POLM: variants seen among roughly 807,000 people sequenced by gnomAD.
POLM encodes the protein DNA polymerase mu.
POLM carries 52 observed loss-of-function variants against 56.7 expected under a neutral mutation model. That is an observed-to-expected ratio of 0.92 (90% confidence interval 0.73 to 1.15). POLM has a LOEUF of 1.15. Among genes scored for constraint, POLM ranks in the 50% most tolerant of loss-of-function variants. The pLI is 0.00. For missense variants in POLM, 660 were observed against 663.6 expected (o/e 0.99, Z 0.06); for synonymous variants, 273 against 274.3 (o/e 1.00, Z 0.05).
In POLM at chr7:44,076,592, GCAGTCTTCA is replaced by G; in HGVS notation, c.743_751del (p.Val248_Thr250del). 6.2e-7 allele frequency: 1 copy of G among 1,614,130 alleles called. No individual in the cohort carries two copies. The highest frequency in any genetic ancestry group is 8.5e-7 in the Non-Finnish European group (1 of 1,180,032). ...CAGTCCTTCCCGGTACCACCGGTCA[GCAGTCTTCA>G]CACCGACCCCGAAGATCTGGGTGAA... On this transcript the variant is annotated inframe_deletion, in exon 6 of 11. Transcript: ENST00000242248.
chr7:44,073,630 C>A lies in POLM; in HGVS notation c.1393G>T (p.Glu465Ter), dbSNP rs769886929. ...CCCAGTCCCCAACAATGTACCTGCT[C>A]CGGGTCAAACAGCCCATGGCTGTTC... is the stretch of plus-strand genomic sequence containing the variant. Reference protein sequence around the residue: ...WLNSHGLFDPEQKTFFQAASE... With the variant: ...WLNSHGLFDP The change falls in exon 10 of 11, where the codon GAG becomes TAG. Residue 465 changes from glutamate (E) to a stop codon, truncating the protein, a stop_gained. Coordinates refer to ENST00000242248, the MANE Select transcript of POLM (RefSeq NM_013284.4). LOFTEE classifies it high-confidence loss of function. The A allele has an allele frequency of 6.2e-7, 1 of 1,614,100 alleles. No homozygotes were observed. Among genetic ancestry groups the A allele is most frequent in the South Asian group, 1.1e-5 (1 of 91,054 alleles).
In POLM at chr7:44,082,308, C is replaced by G. The variant is rs868516050; in HGVS notation, c.131G>C (p.Arg44Pro). The change falls in exon 1 of 11, where the codon CGG becomes CCG. Residue 44 changes from arginine (R) to proline (P), a missense_variant. Transcript: ENST00000242248. The part of the protein sequence containing the change: ...LVEPRMGRSR[R>P]AFLTGLARSK... ...GCGCGCCAGGCCTGTGAGGAAGGCC[C>G]GGCGGCTGCGACCCATGCGAGGCTC... 1.3e-6 allele frequency: 2 copies of G among 1,555,510 alleles called. No individual in the cohort carries two copies. Among genetic ancestry groups the G allele is most frequent in the Non-Finnish European group, 1.7e-6 (2 of 1,157,910 alleles).
In POLM at chr7:44,076,372, C is replaced by A. The variant is rs959237422; in HGVS notation, c.835+137G>T. On this transcript the variant is annotated intron_variant, in intron 6 of 10. Transcript: ENST00000242248. Reference sequence around the variant, plus strand: ...AGATCCTGACTGCACTGGGTGGAGACCCCAGGAAGCCCACCACACAAAGCT... The same window carrying A: ...AGATCCTGACTGCACTGGGTGGAGAACCCAGGAAGCCCACCACACAAAGCT... 5 of 1,066,500 alleles carry A rather than the reference C, an allele frequency of 4.7e-6. No individual in the cohort carries two copies. The Admixed American group carries it at 9.9e-5, about 21-fold the overall frequency. The allele number at this position is 1,066,500 out of a possible 1,614,324, so 66.1% of individuals were successfully genotyped here. A position where few individuals can be genotyped will look rare whatever the true frequency, so the allele number is the denominator to read the frequency against.
At position 44,079,758 on chromosome 7, in the gene POLM, T is replaced by C. The variant is rs2096194302; in HGVS notation, c.472-17A>G. 1 of 1,609,790 alleles carries C rather than the reference T, an allele frequency of 6.2e-7. No homozygotes were observed. Among genetic ancestry groups the C allele is most frequent in the Non-Finnish European group, 8.5e-7 (1 of 1,177,038 alleles). On this transcript the variant is annotated splice_polypyrimidine_tract_variant and intron_variant, in intron 3 of 10. Transcript: ENST00000242248. ...CAGAGCCTCCTGCAGGGAGGGGCCC[T>C]AGGTAAGGGGCAGGGTGGGCAGCTC...
At chr7:44,075,037 C>A (rs926877359) in intron 6 of POLM, among the ~76,000 whole-genome samples, 23 of 152,160 alleles carry the variant, frequency 1.5e-4, no homozygotes, top group African/African-American at 5.6e-4. Context: ...GCCTCCCACA[C>A]GCAGTTAAGG....
intron 6 of POLM, 194 bp downstream of exon 6, chr7:44,076,315 G>A (rs2096183203): frequency 1.7e-6 from 1 of 593,272 alleles, no homozygotes; most frequent in African/African-American, 1.9e-5. Context: ...AGTTGCTGTG[G>A]TCAGCATCGT....
intron 8 of POLM, 34 bp from the exon 9 acceptor site, chr7:44,074,059 C>A: frequency 1.2e-6 from 2 of 1,609,352 alleles, no homozygotes; most frequent in South Asian, 2.2e-5. Flanking sequence ...TGAGACCATC[C>A]GGTGGTGTGG....
At chr7:44,073,743 C>G in intron 9 of POLM, 35 bp from the exon 10 acceptor site, 1 of 1,614,076 alleles carries the variant, frequency 6.2e-7, no homozygotes, top group Non-Finnish European at 8.5e-7. Flanking sequence ...CAGGGCTGGC[C>G]CAGCCCCACC....
chr7:44,081,981 G>C (rs2096201386), intron 1 of POLM, among the ~76,000 whole-genome samples: 1 of 152,040 alleles, frequency 6.6e-6, no homozygotes, highest in South Asian at 2.1e-4. Context: ...TCCTGACCTC[G>C]TGATCTGCCC....
intron 6 of POLM, among the ~76,000 whole-genome samples, chr7:44,074,780 A>G (rs1265001317): frequency 1.3e-5 from 2 of 152,244 alleles, no homozygotes; most frequent in African/African-American, 4.8e-5. Context: ...GTTAAAAGAA[A>G]TAGCACAGAG....
rs754493775 is a variant in POLM at position 44,074,015 on chromosome 7, A to C, written c.1082T>G (p.Leu361Arg). Residue 361 changes from leucine to arginine, a missense_variant, in exon 9 of 11, where the codon CTG becomes CGG. Transcript: ENST00000242248. ...MCRLQDQGLILYHQHQHSCCE... is the reference protein window; with the variant it reads ...MCRLQDQGLIRYHQHQHSCCE... ...GCAGCTGTGCTGGTGCTGGTGGTAC[A>C]GGATGAGGCCCTGTGGGGAGAGGCG... The C allele has an allele frequency of 1.9e-6, 3 of 1,613,930 alleles. No individual in the cohort carries two copies. The highest frequency in any genetic ancestry group is 2.5e-6 in the Non-Finnish European group (3 of 1,180,006).
intron 5 of POLM, among the ~76,000 whole-genome samples, chr7:44,077,843 TTCACTGACAGTTATCCATG>T (rs1298332940): frequency 1.3e-5 from 2 of 152,214 alleles, no homozygotes; most frequent in Non-Finnish European, 2.9e-5. Context: ...GAAGCCACAC[TTCACTGACAGTTATCCATG>T]TGGCCACCGC....
intron 6 of POLM, 38 bp from the exon 7 acceptor site, chr7:44,074,568 G>T: frequency 1.3e-6 from 2 of 1,513,090 alleles, no homozygotes; most frequent in Non-Finnish European, 1.8e-6. Flanking sequence ...CACCCAGCCT[G>T]CCCACCACAC....
chr7:44,078,488 C>G, intron 5 of POLM: 1 of 512,320 alleles, frequency 2.0e-6, no homozygotes, highest in Non-Finnish European at 3.5e-6. Context: ...AAACAAAAAG[C>G]CCCAAAAGCC....
At chr7:44,074,096 C>T in intron 8 of POLM, 35 bp downstream of exon 8, 5 of 1,607,018 alleles carry the variant, frequency 3.1e-6, no homozygotes, top group Non-Finnish European at 4.2e-6. Context: ...TGGCATTGGC[C>T]AGCGGTGGCT....
Position 44,073,804 on chromosome 7 carries a change from C to A in POLM, c.1293G>T (p.Leu431=). The A allele has an allele frequency of 1.2e-6, 2 of 1,614,218 alleles. No individual in the cohort carries two copies. ...CTACCTTGGAGCCAGTCCAACCGAG[C>A]AGGGCGAAAGGGAACTGGCTGACGG... ...VAPVSQFPFA[L]LGWTGSKLFQ... is the part of the protein sequence containing the mutation. Residue 431 remains leucine, a synonymous_variant, in exon 9 of 11, where the codon CTG becomes CTT. Coordinates refer to ENST00000242248, the MANE Select transcript of POLM (RefSeq NM_013284.4).
chr7:44,074,931 T>C (rs1387641662), intron 6 of POLM, among the ~76,000 whole-genome samples: 1 of 152,244 alleles, frequency 6.6e-6, no homozygotes, highest in African/African-American at 2.4e-5. Flanking sequence ...TTTTTCCTTA[T>C]GCATAAAGTG....
intron 6 of POLM, among the ~76,000 whole-genome samples, chr7:44,074,814 C>T (rs1358771582): frequency 6.6e-6 from 1 of 152,224 alleles, no homozygotes; most frequent in Admixed American, 6.5e-5. Context: ...GCCTTTTACC[C>T]AGCTCCCCCA....
Position 44,073,952 on chromosome 7 carries a change from ATGT to A in POLM, c.1142_1144del (p.His381_Met382delinsLeu). On this transcript the variant is annotated inframe_deletion, in exon 9 of 11. Transcript: ENST00000242248. ...GCAGAAACTTCTCTCAAAAGCGTCCATGTGGCTCTGTTGGGCCAGGCGGGTAGG... is the reference window on the plus strand; with the variant it reads ...GCAGAAACTTCTCTCAAAAGCGTCCAGGCTCTGTTGGGCCAGGCGGGTAGG... 6.2e-7 allele frequency: 1 copy of A among 1,614,238 alleles called. No individual in the cohort carries two copies. The highest frequency in any genetic ancestry group is 1.6e-4 in the Middle Eastern group (1 of 6,062).
Sources: gnomAD v4.1 joint callset for allele counts (sites outside exome capture counted in the v4.1 genomes callset) on GRCh38, gnomAD v4.1.1 for gene constraint, MANE v1.5 for transcripts, NCBI Gene and HGNC (gene_info 2026-07-23, HGNC 2026-07-21) for gene names.